Variants in DTD1 observed in about 807,000 individuals in gnomAD.
DTD1 encodes D-aminoacyl-tRNA deacylase 1.
Under a neutral mutation model 25.6 loss-of-function variants are expected in DTD1, and 13 were observed. That is an observed-to-expected ratio of 0.51 (90% CI 0.33 to 0.81). The LOEUF (loss-of-function observed/expected upper bound fraction) is 0.81, where lower values mean the gene tolerates loss of function less well. DTD1 is among the 30% of genes least tolerant of loss of function. The pLI is 0.02. For synonymous variants in DTD1, 110 were observed against 103.6 expected, an observed-to-expected ratio of 1.06 and a Z score of -0.37; for missense variants, 193 against 266.4, an observed-to-expected ratio of 0.72 and a Z score of 1.92.
Position 18,617,068 on chromosome 20 carries a change from C to G in DTD1, c.371-11059C>G, listed in dbSNP as rs867583866. ...CATTTCCTGAATTTCCTCCGCACTT[C>G]TGGCCATGAATTGCAGGATCAGCTC... On this transcript the variant is annotated intron_variant, in intron 3 of 5. Coordinates refer to ENST00000377452, the MANE Select transcript of DTD1 (RefSeq NM_080820.6). Among the ~76,000 whole-genome samples the G allele has an allele frequency of 6.6e-5, 10 of 152,274 alleles. No individual in the cohort carries two copies. In the Middle Eastern group the frequency reaches 0.017, roughly 259 times the overall value.
chr20:18,754,688 C>T (rs562381309), intron 5 of DTD1, among the ~76,000 whole-genome samples: 5 of 152,356 alleles, frequency 3.3e-5, no homozygotes, highest in East Asian at 3.9e-4. Flanking sequence ...ATGTGAGCTG[C>T]GTGGTCTCCA....
At chr20:18,700,061 C>T (rs983355407) in intron 4 of DTD1, among the ~76,000 whole-genome samples, 1 of 152,198 alleles carries the variant, frequency 6.6e-6, no homozygotes, top group African/African-American at 2.4e-5. Flanking sequence ...TTAGGTGTGT[C>T]TCAGCCTCCT....
At chr20:18,701,220 G>A (rs2122458964) in intron 4 of DTD1, among the ~76,000 whole-genome samples, 1 of 152,250 alleles carries the variant, frequency 6.6e-6, no homozygotes, top group Admixed American at 6.5e-5. Context: ...GGCACTCTGG[G>A]CCACAGAGAC....
At chr20:18,709,913 C>T (rs2061151725) in intron 4 of DTD1, among the ~76,000 whole-genome samples, 1 of 151,922 alleles carries the variant, frequency 6.6e-6, no homozygotes, top group Non-Finnish European at 1.5e-5. Context: ...AGAAAACAGG[C>T]AATCTGGAAA....
intron 3 of DTD1, among the ~76,000 whole-genome samples, chr20:18,608,789 A>C (rs2060673764): frequency 1.3e-5 from 2 of 152,198 alleles, no homozygotes; most frequent in Non-Finnish European, 2.9e-5. Context: ...ACCTAGTTCG[A>C]CTAATCAAGA....
intron 4 of DTD1, chr20:18,643,097 TAG>T (rs796866228): frequency 4.2e-5 from 7 of 165,414 alleles, no homozygotes; most frequent in African/African-American, 1.7e-4. Context: ...GTATTTTTAG[TAG>T]AGATGGGGTT....
chr20:18,666,549 C>A (rs1187854795), intron 4 of DTD1, among the ~76,000 whole-genome samples: 3 of 152,152 alleles, frequency 2.0e-5, no homozygotes, highest in African/African-American at 7.2e-5. Flanking sequence ...AGTATCTGAA[C>A]TTCACAGTTA....
intron 4 of DTD1, among the ~76,000 whole-genome samples, chr20:18,671,771 C>CGG (rs1359278751): frequency 2.0e-5 from 3 of 152,106 alleles, no homozygotes; most frequent in Admixed American, 2.0e-4. Flanking sequence ...TGGTCCTCAC[C>CGG]AGACCTGGGC....
chr20:18,656,135 GCTTA>G (rs1410406996), intron 4 of DTD1, among the ~76,000 whole-genome samples: 8 of 151,904 alleles, frequency 5.3e-5, no homozygotes, highest in African/African-American at 1.2e-4. Flanking sequence ...GTAAATATTT[GCTTA>G]CTTCTGTTTT....
intron 4 of DTD1, chr20:18,642,976 T>C (rs6081271): frequency 0.84 from 128,599 of 152,556 alleles, 55,051 homozygotes; most frequent in Non-Finnish European, 0.93. Context: ...AGTTCAATGG[T>C]GCGATCTCTG....
At chr20:18,723,645 G>A (rs2094752939) in intron 4 of DTD1, among the ~76,000 whole-genome samples, 1 of 152,210 alleles carries the variant, frequency 6.6e-6, no homozygotes, top group African/African-American at 2.4e-5. Context: ...TGTCGGTGCA[G>A]GGTATAATAG....
intron 4 of DTD1, among the ~76,000 whole-genome samples, chr20:18,681,010 G>A (rs149652513): frequency 2.0e-5 from 3 of 152,108 alleles, no homozygotes; most frequent in Non-Finnish European, 4.4e-5. Context: ...ATAGTTTTTC[G>A]CCAGTCCTTT....
At chr20:18,745,698 G>A (rs1447266978) in intron 5 of DTD1, among the ~76,000 whole-genome samples, 4 of 152,136 alleles carry the variant, frequency 2.6e-5, no homozygotes, top group East Asian at 3.9e-4. Context: ...GCAGAAGGGT[G>A]GGAGTGTTGA....
At chr20:18,608,327 A>AT (rs1405592920) in intron 3 of DTD1, among the ~76,000 whole-genome samples, 1 of 140,776 alleles carries the variant, frequency 7.1e-6, no homozygotes, top group Non-Finnish European at 1.6e-5. Flanking sequence ...TTTTGGTTTG[A>AT]TTTTCTCTAC....
intron 4 of DTD1, among the ~76,000 whole-genome samples, chr20:18,721,673 C>T (rs1310724469): frequency 2.6e-5 from 4 of 152,082 alleles, no homozygotes; most frequent in Admixed American, 6.5e-5. Flanking sequence ...TCTGTAAAAC[C>T]GTCTGGGCCT....
intron 3 of DTD1, among the ~76,000 whole-genome samples, chr20:18,621,433 G>A (rs1351651641): frequency 6.6e-6 from 1 of 152,150 alleles, no homozygotes; most frequent in African/African-American, 2.4e-5. Context: ...TGTGTTTTGT[G>A]TGGAGATAAT....
At chr20:18,660,075 T>G (rs2122369832) in intron 4 of DTD1, among the ~76,000 whole-genome samples, 1 of 152,144 alleles carries the variant, frequency 6.6e-6, no homozygotes, top group African/African-American at 2.4e-5. Flanking sequence ...CTATCTCTAC[T>G]AAAAATACAA....
At chr20:18,746,277 G>A (rs1487970382) in intron 5 of DTD1, among the ~76,000 whole-genome samples, 1 of 152,186 alleles carries the variant, frequency 6.6e-6, no homozygotes, top group African/African-American at 2.4e-5. Context: ...ATTCACCCAA[G>A]AGACACCAAA....
chr20:18,631,607 A>T, intron 4 of DTD1: 1 of 985,314 alleles, frequency 1.0e-6, no homozygotes, highest in Middle Eastern at 5.2e-4. Context: ...GTGACCTCAC[A>T]TTGCTTTATT....
Sources: allele counts gnomAD v4.1 joint callset (sites outside exome capture counted in the v4.1 genomes callset), GRCh38; gene constraint gnomAD v4.1.1; transcripts MANE v1.5; gene names NCBI Gene and HGNC (gene_info 2026-07-23, HGNC 2026-07-21).